Variants in NEK11 observed in about 807,000 individuals in gnomAD.
The protein encoded by NEK11 is serine/threonine-protein kinase Nek11.
NEK11 carries 72 observed loss-of-function variants against 80.7 expected under a neutral mutation model. The ratio of observed to expected loss-of-function variants is 0.89; its 90% confidence interval spans 0.74 to 1.08. The LOEUF (loss-of-function observed/expected upper bound fraction) is 1.08, where lower values mean the gene tolerates loss of function less well. Among genes scored for constraint, NEK11 ranks in the 50% least tolerant of loss-of-function variants. The pLI is 0.00. For missense variants in NEK11, 764 were observed against 763.6 expected, an observed-to-expected ratio of 1.00 and a Z score of -0.01; for synonymous variants, 251 against 260.7, an observed-to-expected ratio of 0.96 and a Z score of 0.36.
chr3:131,294,834 A>G (rs1242379649), intron 17 of NEK11, among the ~76,000 whole-genome samples: 1 of 152,000 alleles, frequency 6.6e-6, no homozygotes, highest in Non-Finnish European at 1.5e-5. Flanking sequence ...TAATGCCTTT[A>G]TTTATCCCTC....
chr3:131,349,482 T>G, intron 17 of NEK11, 75 bp from the exon 18 acceptor site: 1 of 1,252,826 alleles, frequency 8.0e-7, no homozygotes, highest in Non-Finnish European at 1.1e-6. Context: ...GTAAAATCAA[T>G]GATTTAAAAG....
At chr3:131,203,797 A>G (rs1337932962) in intron 14 of NEK11, among the ~76,000 whole-genome samples, 53 of 10,588 alleles carry the variant, frequency 5.0e-3, no homozygotes, top group African/African-American at 9.7e-3. Context: ...ATATATATAT[A>G]TATATATATA....
chr3:131,120,628 AT>A (rs1423539686), intron 5 of NEK11, among the ~76,000 whole-genome samples: 47 of 152,190 alleles, frequency 3.1e-4, no homozygotes, highest in African/African-American at 1.1e-3. Context: ...TCAGATGTAG[AT>A]TTGGTGTTTT....
At chr3:131,319,149 T>C (rs1038864024) in intron 17 of NEK11, among the ~76,000 whole-genome samples, 5 of 152,226 alleles carry the variant, frequency 3.3e-5, no homozygotes, top group African/African-American at 9.6e-5. Flanking sequence ...TTATAATTAC[T>C]AGTTCACAGG....
intron 3 of NEK11, among the ~76,000 whole-genome samples, chr3:131,066,497 G>A (rs1338047856): frequency 6.6e-6 from 1 of 152,046 alleles, no homozygotes; most frequent in East Asian, 1.9e-4. Context: ...AACTCAGAAG[G>A]CAGCATCCCA....
At chr3:131,107,592 G>A (rs935619624) in intron 4 of NEK11, among the ~76,000 whole-genome samples, 13 of 152,022 alleles carry the variant, frequency 8.6e-5, no homozygotes, top group African/African-American at 3.1e-4. Flanking sequence ...CAGAATCCTC[G>A]CATACTCAAG....
chr3:131,150,807 T>C (rs916070624), intron 7 of NEK11, among the ~76,000 whole-genome samples: 5 of 152,004 alleles, frequency 3.3e-5, no homozygotes, highest in African/African-American at 1.2e-4. Flanking sequence ...CTTGTACTCA[T>C]TGTTTTTGTC....
At chr3:131,195,816 ATAT>A (rs2093985114) in intron 14 of NEK11, among the ~76,000 whole-genome samples, 1 of 146,958 alleles carries the variant, frequency 6.8e-6, no homozygotes, top group Admixed American at 6.8e-5. Context: ...ATATATATAT[ATAT>A]AAAATTGAAG....
chr3:131,187,245 C>T lies in NEK11; in HGVS notation c.1399+16358C>T, dbSNP rs149844790. Among the ~76,000 whole-genome samples the T allele has an allele frequency of 3.5e-3, 538 of 152,256 alleles. 2 individuals carry two copies. The highest frequency in any genetic ancestry group is 0.012 in the African/African-American group (480 of 41,556). ...ACATTTCAAGTGCTTAATAATTACA[C>T]GTGGTTAGTGGATACTGTGTTGGAC... On this transcript the variant is annotated intron_variant, in intron 14 of 17. Coordinates refer to ENST00000383366, the MANE Select transcript of NEK11 (RefSeq NM_024800.5).
At chr3:131,302,254 C>A (rs1213882802) in intron 17 of NEK11, among the ~76,000 whole-genome samples, 2 of 151,328 alleles carry the variant, frequency 1.3e-5, no homozygotes, top group Admixed American at 6.6e-5. Context: ...TCATTTTTTT[C>A]TTTATTATTC....
intron 16 of NEK11, among the ~76,000 whole-genome samples, chr3:131,248,502 C>A (rs976334317): frequency 6.6e-6 from 1 of 152,060 alleles, no homozygotes; most frequent in African/African-American, 2.4e-5. Flanking sequence ...TTCCTGGAGC[C>A]TTTCTTTCTT....
At chr3:131,090,275 A>T (rs2076537968) in intron 4 of NEK11, among the ~76,000 whole-genome samples, 1 of 152,208 alleles carries the variant, frequency 6.6e-6, no homozygotes, top group African/African-American at 2.4e-5. Context: ...AAAGGAGGAG[A>T]TACTATTAAT....
intron 4 of NEK11, among the ~76,000 whole-genome samples, chr3:131,097,511 C>T (rs2077627272): frequency 1.3e-5 from 2 of 152,190 alleles, no homozygotes; most frequent in South Asian, 2.1e-4. Context: ...TTTCATGTGT[C>T]TTTTGGCTGC....
intron 14 of NEK11, among the ~76,000 whole-genome samples, chr3:131,181,136 C>T (rs2093320788): frequency 6.6e-6 from 1 of 152,144 alleles, no homozygotes; most frequent in African/African-American, 2.4e-5. Flanking sequence ...ACTAAGGTTG[C>T]TAATCAGATA....
At chr3:131,132,416 T>C (rs1283951053) in intron 5 of NEK11, among the ~76,000 whole-genome samples, 10 of 152,070 alleles carry the variant, frequency 6.6e-5, no homozygotes, top group Admixed American at 5.9e-4. Flanking sequence ...CAAACTGGTC[T>C]ATCAATTGAG....
chr3:131,072,050 T>C (rs968100456), intron 3 of NEK11, among the ~76,000 whole-genome samples: 24 of 152,192 alleles, frequency 1.6e-4, no homozygotes, highest in African/African-American at 4.8e-4. Context: ...TCTTTAAACA[T>C]CTCCTCTTCC....
chr3:131,109,793 T>A lies in NEK11; in HGVS notation c.337-10T>A. ...TGAAAAAATATGAAAGATTATGCTCTTCATTTCAGGGCCGAGATCTGGACG... is the reference window on the plus strand; with the variant it reads ...TGAAAAAATATGAAAGATTATGCTCATCATTTCAGGGCCGAGATCTGGACG... On this transcript the variant is annotated splice_polypyrimidine_tract_variant and intron_variant, in intron 4 of 17. Transcript: ENST00000383366. The A allele has an allele frequency of 6.3e-7, 1 of 1,577,864 alleles. No homozygotes were observed. The highest frequency in any genetic ancestry group is 8.6e-7 in the Non-Finnish European group (1 of 1,169,144).
chr3:131,341,288 G>A (rs142241716), intron 17 of NEK11, among the ~76,000 whole-genome samples: 54 of 152,142 alleles, frequency 3.5e-4, no homozygotes, highest in African/African-American at 1.3e-3. Flanking sequence ...TTTTTGACCC[G>A]TAATTTATTT....
intron 3 of NEK11, among the ~76,000 whole-genome samples, chr3:131,037,605 G>A (rs1486078176): frequency 6.6e-6 from 1 of 152,170 alleles, no homozygotes; most frequent in Non-Finnish European, 1.5e-5. Flanking sequence ...TTACTAAAAT[G>A]TGTGGGTTTT....
Sources: allele counts gnomAD v4.1 joint callset (sites outside exome capture counted in the v4.1 genomes callset), GRCh38; gene constraint gnomAD v4.1.1; transcripts MANE v1.5; gene names NCBI Gene and HGNC (gene_info 2026-07-23, HGNC 2026-07-21).